The following DLGAP1 variants were observed in gnomAD, a reference collection of about 807,000 sequenced individuals.
The protein encoded by DLGAP1 is disks large-associated protein 1.
Under a neutral mutation model 90.8 loss-of-function variants are expected in DLGAP1, and 11 were observed. That is an observed-to-expected ratio of 0.12 (90% CI 0.08 to 0.20). The LOEUF (loss-of-function observed/expected upper bound fraction) is 0.20, where lower values mean the gene tolerates loss of function less well. DLGAP1 is among the 10% of genes least tolerant of loss of function. The pLI, the probability that DLGAP1 is intolerant of heterozygous loss-of-function variation, is 1.00. For synonymous variants in DLGAP1, 558 were observed against 540.7 expected, an observed-to-expected ratio of 1.03 and a Z score of -0.44; for missense variants, 1,050 against 1,333.8, an observed-to-expected ratio of 0.79 and a Z score of 3.31.
intron 1 of DLGAP1, among the ~76,000 whole-genome samples, chr18:4,400,862 C>A (rs2082540122): frequency 6.6e-6 from 1 of 152,152 alleles, no homozygotes; most frequent in Admixed American, 6.5e-5. Flanking sequence ...TGCTATAGAA[C>A]AATCCACTTT....
chr18:3,638,777 A>G (rs1043972625), intron 7 of DLGAP1, among the ~76,000 whole-genome samples: 4 of 152,234 alleles, frequency 2.6e-5, no homozygotes, highest in Non-Finnish European at 4.4e-5. Flanking sequence ...CAAACATTCA[A>G]TATCATCAGT....
At chr18:3,762,816 C>G (rs758725487) in intron 5 of DLGAP1, among the ~76,000 whole-genome samples, 53 of 152,178 alleles carry the variant, frequency 3.5e-4, no homozygotes, top group Non-Finnish European at 5.4e-4. Context: ...TTTCCAGGCT[C>G]TCCATAATCT....
intron 1 of DLGAP1, among the ~76,000 whole-genome samples, chr18:4,420,992 T>C (rs2083016932): frequency 6.6e-6 from 1 of 152,220 alleles, no homozygotes; most frequent in Non-Finnish European, 1.5e-5. Context: ...CAGAGATTTT[T>C]CCCTTGAAAC....
chr18:3,722,567 C>T (rs2062018271), intron 7 of DLGAP1: 1 of 152,116 alleles, frequency 6.6e-6, no homozygotes. Context: ...GTCTCCAGTT[C>T]CACTTGGAGA....
intron 2 of DLGAP1, among the ~76,000 whole-genome samples, chr18:4,022,756 C>G (rs565418363): frequency 7.3e-5 from 11 of 151,060 alleles, no homozygotes; most frequent in Non-Finnish European, 1.2e-4. Context: ...TCAGCAAACT[C>G]AGTGAGATTA....
intron 4 of DLGAP1, among the ~76,000 whole-genome samples, chr18:3,871,452 C>T (rs745703337): frequency 2.0e-5 from 3 of 152,052 alleles, no homozygotes; most frequent in Middle Eastern, 3.4e-3. Flanking sequence ...TTTAGAGTCT[C>T]GGAGAATTAA....
At chr18:4,420,055 G>A (rs1010460739) in intron 1 of DLGAP1, among the ~76,000 whole-genome samples, 3 of 152,186 alleles carry the variant, frequency 2.0e-5, no homozygotes, top group Admixed American at 2.0e-4. Flanking sequence ...TATGCTAATA[G>A]GTAAAGTAGA....
intron 1 of DLGAP1, among the ~76,000 whole-genome samples, chr18:4,179,852 T>A (rs777620252): frequency 1.1e-4 from 17 of 152,178 alleles, no homozygotes; most frequent in Non-Finnish European, 2.4e-4. Flanking sequence ...CTGCGTCCCT[T>A]GGGGAAGGCA....
chr18:4,103,061 T>C lies in DLGAP1; in HGVS notation c.-159+48119A>G, dbSNP rs571189148. 7.2e-5 allele frequency among the ~76,000 whole-genome samples: 11 copies of C among 152,308 alleles called. No individual in the cohort carries two copies. The South Asian group carries it at 1.2e-3, about 17-fold the overall frequency. On this transcript the variant is annotated intron_variant, in intron 2 of 12. Transcript: ENST00000315677. The stretch of plus-strand genomic sequence containing the variant: ...AAGTGTGTACTCCTTTTCTGCTTCT[T>C]CTGGGGCTAACAGTATGTTTTGATA...
At chr18:3,674,185 G>A (rs976034749) in intron 7 of DLGAP1, among the ~76,000 whole-genome samples, 11 of 151,588 alleles carry the variant, frequency 7.3e-5, no homozygotes, top group South Asian at 2.1e-4. Context: ...GCATGGTGGC[G>A]CATGCCTGTA....
At chr18:4,198,513 C>T (rs1306720778) in intron 1 of DLGAP1, among the ~76,000 whole-genome samples, 9 of 152,196 alleles carry the variant, frequency 5.9e-5, no homozygotes, top group Non-Finnish European at 8.8e-5. Flanking sequence ...TTTAACGCAT[C>T]AGACAGTTGT....
intron 7 of DLGAP1, among the ~76,000 whole-genome samples, chr18:3,678,806 A>G (rs1477318273): frequency 6.6e-6 from 1 of 152,216 alleles, no homozygotes; most frequent in East Asian, 1.9e-4. Context: ...AAGCTCCAGT[A>G]AAAGAAGGTG....
chr18:4,185,947 G>T (rs1035855463), intron 1 of DLGAP1, among the ~76,000 whole-genome samples: 5 of 152,020 alleles, frequency 3.3e-5, no homozygotes, highest in Admixed American at 1.3e-4. Context: ...GCCAGCATTT[G>T]TTTTTTGACT....
chr18:4,033,976 A>T (rs1041983671), intron 2 of DLGAP1, among the ~76,000 whole-genome samples: 1 of 149,432 alleles, frequency 6.7e-6, no homozygotes, highest in Non-Finnish European at 1.5e-5. Flanking sequence ...GGACCTCGTG[A>T]TCTGCCCGCC....
intron 5 of DLGAP1, among the ~76,000 whole-genome samples, chr18:3,762,794 C>G (rs1055705540): frequency 6.6e-6 from 1 of 152,184 alleles, no homozygotes; most frequent in African/African-American, 2.4e-5. Flanking sequence ...CTCCACTCCT[C>G]TTATGTCAAC....
At position 4,302,162 on chromosome 18, in the gene DLGAP1, C is replaced by T. The variant is rs377257637; in HGVS notation, c.-266-150875G>A. Among the ~76,000 whole-genome samples the T allele has an allele frequency of 1.8e-4, 27 of 152,184 alleles. No homozygotes were observed. In the East Asian group the frequency reaches 4.4e-3, roughly 25 times the overall value. ...AGTTTGATGCAGTCCCATTTCTCTA[C>T]TTTTTTGCTTTTGTTGCCTGCATTT... On this transcript the variant is annotated intron_variant, in intron 1 of 12. Coordinates refer to ENST00000315677, the MANE Select transcript of DLGAP1 (RefSeq NM_004746.4).
At chr18:3,559,857 G>A (rs1161605879) in intron 9 of DLGAP1, among the ~76,000 whole-genome samples, 2 of 151,496 alleles carry the variant, frequency 1.3e-5, no homozygotes, top group African/African-American at 2.4e-5. Context: ...TCCTGACCTC[G>A]TGATCCACCT....
intron 1 of DLGAP1, among the ~76,000 whole-genome samples, chr18:4,329,187 G>C (rs2080892923): frequency 6.6e-6 from 1 of 151,772 alleles, no homozygotes; most frequent in Non-Finnish European, 1.5e-5. Flanking sequence ...GAATTGTTTT[G>C]TATGAAGGAT....
intron 5 of DLGAP1, among the ~76,000 whole-genome samples, chr18:3,747,666 T>TG (rs1245279200): frequency 1.3e-5 from 2 of 152,140 alleles, no homozygotes; most frequent in Non-Finnish European, 2.9e-5. Context: ...GCTGGCTGAA[T>TG]GGGGAAATGA....
Sources: allele counts gnomAD v4.1 joint callset (sites outside exome capture counted in the v4.1 genomes callset), GRCh38; gene constraint gnomAD v4.1.1; transcripts MANE v1.5; gene names NCBI Gene and HGNC (gene_info 2026-07-23, HGNC 2026-07-21).